Variants in ENPP3 observed in about 807,000 individuals in gnomAD.
The protein encoded by ENPP3 is ectonucleotide pyrophosphatase/phosphodiesterase 3.
Under a neutral mutation model 117.8 loss-of-function variants are expected in ENPP3, and 104 were observed. The ratio of observed to expected loss-of-function variants is 0.88; its 90% CI spans 0.75 to 1.04. ENPP3 has a LOEUF of 1.04. Ranked by LOEUF, ENPP3 falls within the 50% of genes least tolerant of loss-of-function variation. ENPP3 has a pLI of 0.00. For synonymous variants in ENPP3, 380 were observed against 349.9 expected, an observed-to-expected ratio of 1.09 and a Z score of -0.96; for missense variants, 1,026 against 1,051.9, an observed-to-expected ratio of 0.98 and a Z score of 0.34.
intron 14 of ENPP3, among the ~76,000 whole-genome samples, chr6:131,692,846 T>TTG (rs2114449732): frequency 7.9e-6 from 1 of 127,058 alleles, no homozygotes; most frequent in African/African-American, 3.0e-5. Flanking sequence ...TATGATATGA[T>TTG]ATATATGATA....
At chr6:131,696,752 T>C (rs1270415113) in intron 15 of ENPP3, among the ~76,000 whole-genome samples, 2 of 150,786 alleles carry the variant, frequency 1.3e-5, no homozygotes, top group African/African-American at 2.4e-5. Context: ...TTTCTCTCAA[T>C]GATCTACCCA....
intron 1 of ENPP3, among the ~76,000 whole-genome samples, chr6:131,639,247 ATAT>A (rs1288992792): frequency 1.1e-5 from 1 of 94,810 alleles, no homozygotes. Context: ...TCTTATGCTA[ATAT>A]ATATATATAT....
chr6:131,680,258 C>T (rs1364103705), intron 11 of ENPP3, among the ~76,000 whole-genome samples: 1 of 152,002 alleles, frequency 6.6e-6, no homozygotes, highest in Admixed American at 6.6e-5. Flanking sequence ...ATAGACTTGG[C>T]ATGACTTAAT....
At position 131,637,438 on chromosome 6, in the gene ENPP3, T is replaced by C; in HGVS notation, c.54T>C (p.Leu18=). The C allele has an allele frequency of 6.3e-7, 1 of 1,586,362 alleles. No individual in the cohort carries two copies. Residue 18 remains leucine, a synonymous_variant, in exon 1 of 25, where the codon CTT becomes CTC. Coordinates refer to ENST00000357639, the MANE Select transcript of ENPP3 (RefSeq NM_005021.5). The part of the protein sequence containing the change: ...ATEQPVKKNT[L]KKYKIACIVL... ...AACAACCTGTTAAGAAGAACACTCT[T>C]AAGAAATATAAAATAGCTTGCATTG...
At position 131,721,558 on chromosome 6, in the gene ENPP3, C is replaced by T. The variant is rs578075642; in HGVS notation, c.1568-669C>T. On this transcript the variant is annotated intron_variant, in intron 17 of 24. Coordinates refer to ENST00000357639, the MANE Select transcript of ENPP3 (RefSeq NM_005021.5). ...GAAATATTTGTATGTTTCATAGAAA[C>T]ATACAAACATGCAAATTGTATGTTT... Among the ~76,000 whole-genome samples, 8 of 151,902 alleles carry T rather than the reference C, an allele frequency of 5.3e-5. No homozygotes were observed. The South Asian group carries it at 1.7e-3, about 32-fold the overall frequency.
chr6:131,746,866 TG>T lies in ENPP3; in HGVS notation c.2541del (p.Asp849ThrfsTer16). 3 of 1,613,360 alleles carry T rather than the reference TG, an allele frequency of 1.9e-6. No homozygotes were observed. In the African/African-American group the frequency reaches 4.0e-5, roughly 22 times the overall value. On this transcript the variant is annotated frameshift_variant, in exon 25 of 25. Transcript: ENST00000357639. LOFTEE classifies it high-confidence loss of function. ...GGGTCCGTGATGTAGAACTTCTCAC[TG>T]GGCTTGACTTCTATCAGGATAAAGT... Reference protein sequence around the residue: ...ARVRDVELLTGLDFYQDKVQP... With the variant: ...ARVRDVELLTXLDFYQDKVQP...
chr6:131,678,999 TTGC>T (rs1562446773), intron 11 of ENPP3, among the ~76,000 whole-genome samples: 10 of 75,328 alleles, frequency 1.3e-4, no homozygotes, highest in African/African-American at 7.4e-4. Context: ...CCTTCCTTCC[TTGC>T]TTCCTTCCTT....
intron 15 of ENPP3, among the ~76,000 whole-genome samples, chr6:131,711,479 TC>T (rs546089821): frequency 3.1e-4 from 45 of 146,384 alleles, no homozygotes; most frequent in Non-Finnish European, 5.6e-4. Context: ...TCTTTTTTCA[TC>T]CTGTTAATTT....
At chr6:131,723,289 C>A (rs1780075715) in intron 18 of ENPP3, among the ~76,000 whole-genome samples, 1 of 152,026 alleles carries the variant, frequency 6.6e-6, no homozygotes, top group African/African-American at 2.4e-5. Context: ...AATAACCAAC[C>A]AAAGGGGCTT....
intron 14 of ENPP3, among the ~76,000 whole-genome samples, chr6:131,693,008 TAA>T (rs1000895015): frequency 1.4e-5 from 2 of 144,312 alleles, no homozygotes; most frequent in South Asian, 2.1e-4. Context: ...CAGTTATATA[TAA>T]TATATATGGT....
At position 131,726,250 on chromosome 6, in the gene ENPP3, C is replaced by G. The variant is rs201051309; in HGVS notation, c.1953+50C>G. On this transcript the variant is annotated intron_variant, in intron 20 of 24. Coordinates refer to ENST00000357639, the MANE Select transcript of ENPP3 (RefSeq NM_005021.5). ...ATGCAGGCAAGAAATATTTATAATC[C>G]TTTCATATTCTAAGAGTTGAATTTT... The G allele has an allele frequency of 2.0e-6, 3 of 1,523,552 alleles. No individual in the cohort carries two copies. In the African/African-American group the frequency reaches 4.1e-5, roughly 21 times the overall value. 94.4% of individuals were successfully genotyped at this position (1,523,552 alleles called of 1,614,324 possible).
At chr6:131,689,332 C>G (rs1779227740) in intron 14 of ENPP3, among the ~76,000 whole-genome samples, 1 of 152,104 alleles carries the variant, frequency 6.6e-6, no homozygotes, top group South Asian at 2.1e-4. Flanking sequence ...CAGGCTGACT[C>G]TTTTTTTAGG....
At chr6:131,711,804 T>TAGATTAGTGGTTGCATTTTAC (rs1562467429) in intron 15 of ENPP3, among the ~76,000 whole-genome samples, 3 of 109,830 alleles carry the variant, frequency 2.7e-5, no homozygotes, top group Non-Finnish European at 4.9e-5. Context: ...TTGCATTTTA[T>TAGATTAGTGGTTGCATTTTAC]AGCTTAGTGG....
rs560998606 is a variant in ENPP3, at chr6:131,656,526, G to A, written c.465-1797G>A. ...CTCACGCCTGTAATCCCAGCACTTT[G>A]GGAGGCTGAGGCAGGCAGATCACGA... is the stretch of plus-strand genomic sequence containing the variant. On this transcript the variant is annotated intron_variant, in intron 5 of 24. Transcript: ENST00000357639. 1.1e-3 allele frequency among the ~76,000 whole-genome samples: 169 copies of A among 152,242 alleles called. 1 individual carries two copies. Among genetic ancestry groups the A allele is most frequent in the Non-Finnish European group, 5.9e-4 (40 of 68,020 alleles).
Position 131,738,093 on chromosome 6 carries a change from A to C in ENPP3, c.2230A>C (p.Asn744His), listed in dbSNP as rs36094194. The C allele has an allele frequency of 6.1e-4, 977 of 1,606,048 alleles. 4 individuals carry two copies. The African/African-American group carries it at 0.011, about 17-fold the overall frequency. ...ACATGCCACAGAAAGAAATGGAGTA[A>C]ATGTGGTTAGTGGACCAATATTTGA... Reference protein sequence around the residue: ...IKHATERNGVNVVSGPIFDYN... With the variant: ...IKHATERNGVHVVSGPIFDYN... The change falls in exon 23 of 25, where the codon AAT (asparagine) becomes CAT (histidine). Residue 744 changes from asparagine (N) to histidine (H), a missense_variant. Physicochemically the swap from Asn to His is moderately conservative, Grantham distance 68. Coordinates refer to ENST00000357639, the MANE Select transcript of ENPP3 (RefSeq NM_005021.5).
At chr6:131,729,000 A>G (rs1304323595) in intron 20 of ENPP3, among the ~76,000 whole-genome samples, 1 of 152,200 alleles carries the variant, frequency 6.6e-6, no homozygotes, top group Admixed American at 6.5e-5. Context: ...ATGAAATCAA[A>G]TAACTTTTCA....
chr6:131,649,595 A>G (rs112092976), intron 2 of ENPP3, among the ~76,000 whole-genome samples: 5,412 of 152,130 alleles, frequency 0.036, 323 homozygotes, highest in African/African-American at 0.12. Flanking sequence ...TTGCTTTGTC[A>G]CCCAGGCTAG....
intron 18 of ENPP3, among the ~76,000 whole-genome samples, chr6:131,723,827 T>TCTCTCTCTCTCACACA (rs367662326): frequency 4.1e-5 from 6 of 145,850 alleles, no homozygotes; most frequent in African/African-American, 1.6e-4. Flanking sequence ...TCTCTCTCTC[T>TCTCTCTCTCTCACACA]CACACACACA....
chr6:131,655,640 T>G, intron 5 of ENPP3, among the ~76,000 whole-genome samples: 1 of 152,112 alleles, frequency 6.6e-6, no homozygotes, highest in Non-Finnish European at 1.5e-5. Context: ...AGAAGGAAGG[T>G]TTCCAGTAAA....
Sources: gnomAD v4.1 joint callset for allele counts (sites outside exome capture counted in the v4.1 genomes callset) on GRCh38, gnomAD v4.1.1 for gene constraint, MANE v1.5 for transcripts, NCBI Gene and HGNC (gene_info 2026-07-23, HGNC 2026-07-21) for gene names.